ANKRD44: variants seen among roughly 807,000 people sequenced by gnomAD.
ANKRD44 encodes serine/threonine-protein phosphatase 6 regulatory ankyrin repeat subunit B.
In ANKRD44, 35 loss-of-function variants were observed where a neutral mutation model predicts 116.0. The ratio of observed to expected loss-of-function variants is 0.30; its 90% CI spans 0.23 to 0.40. ANKRD44 has a LOEUF of 0.40. Ranked by LOEUF, ANKRD44 falls within the 10% of genes least tolerant of loss-of-function variation. ANKRD44 has a pLI of 1.00. For missense variants in ANKRD44, 1,014 were observed against 1,242.6 expected, an observed-to-expected ratio of 0.82 and a Z score of 2.77; for synonymous variants, 435 against 461.8, an observed-to-expected ratio of 0.94 and a Z score of 0.74.
intron 26 of ANKRD44, chr2:196,995,141 A>C (rs1371962387): frequency 3.4e-6 from 1 of 293,728 alleles, no homozygotes; most frequent in Admixed American, 5.1e-5. Context: ...AGCAAAGAAA[A>C]AGAGAGACTT....
At chr2:197,131,856 C>T (rs530568300) in intron 4 of ANKRD44, among the ~76,000 whole-genome samples, 64 of 152,288 alleles carry the variant, frequency 4.2e-4, no homozygotes, top group African/African-American at 1.4e-3. Flanking sequence ...GTGCGTTAGA[C>T]TTTCTGGGTT....
chr2:197,104,350 A>T (rs760058277), intron 9 of ANKRD44, among the ~76,000 whole-genome samples: 5 of 152,118 alleles, frequency 3.3e-5, no homozygotes, highest in African/African-American at 4.8e-5. Context: ...CGAACTCCTG[A>T]CCTCAAGTGA....
chr2:197,098,830 G>T (rs1252049226), intron 10 of ANKRD44, among the ~76,000 whole-genome samples: 2 of 152,000 alleles, frequency 1.3e-5, no homozygotes. Flanking sequence ...TTCCAATTAG[G>T]CAAGGGGCTC....
chr2:197,182,634 C>T (rs530019258), intron 2 of ANKRD44, among the ~76,000 whole-genome samples: 2 of 152,260 alleles, frequency 1.3e-5, no homozygotes, highest in African/African-American at 4.8e-5. Flanking sequence ...ATATGTGGGA[C>T]ATTGGTTCCA....
intron 1 of ANKRD44, among the ~76,000 whole-genome samples, chr2:197,241,725 A>C (rs1044441814): frequency 6.6e-6 from 1 of 152,134 alleles, no homozygotes; most frequent in African/African-American, 2.4e-5. Flanking sequence ...ATTGTTCTTT[A>C]AGATTTATTA....
At chr2:197,096,804 T>A (rs1223189354) in intron 10 of ANKRD44, among the ~76,000 whole-genome samples, 1 of 152,180 alleles carries the variant, frequency 6.6e-6, no homozygotes, top group African/African-American at 2.4e-5. Context: ...GCAAATTTAA[T>A]CTTCTCCAAT....
chr2:197,139,848 TTGTG>T (rs71012957), intron 3 of ANKRD44, among the ~76,000 whole-genome samples: 30,918 of 131,064 alleles, frequency 0.24, 3,720 homozygotes, highest in African/African-American at 0.26. Flanking sequence ...TAAGCTGCTT[TTGTG>T]TGTGTGTGTG....
intron 2 of ANKRD44, among the ~76,000 whole-genome samples, chr2:197,156,901 C>G (rs1017057856): frequency 6.6e-6 from 1 of 152,026 alleles, no homozygotes; most frequent in Non-Finnish European, 1.5e-5. Flanking sequence ...CAAACTAATA[C>G]ACAGTGACAG....
chr2:197,212,627 A>G lies in ANKRD44; in HGVS notation c.28-25521T>C, dbSNP rs1190872182. On this transcript the variant is annotated intron_variant, in intron 1 of 27. Transcript: ENST00000282272. The surrounding 1 kb of genome is among the most constrained non-coding windows in gnomAD (Gnocchi z 4.8). ...ACCCTGCCTCTTCCACTCTCCTTTTATAGGGAGTATTAACCAAAAAGGTTA... is the reference window on the plus strand; with the variant it reads ...ACCCTGCCTCTTCCACTCTCCTTTTGTAGGGAGTATTAACCAAAAAGGTTA... 6.6e-6 allele frequency among the ~76,000 whole-genome samples: 1 copy of G among 152,156 alleles called. No individual in the cohort carries two copies. Among genetic ancestry groups the G allele is most frequent in the African/African-American group, 2.4e-5 (1 of 41,430 alleles).
chr2:197,096,775 A>AT (rs2078170741), intron 10 of ANKRD44, among the ~76,000 whole-genome samples: 1 of 152,022 alleles, frequency 6.6e-6, no homozygotes, highest in Non-Finnish European at 1.5e-5. Flanking sequence ...GATAACAGTG[A>AT]TTTTCTGAGA....
At chr2:197,217,140 T>C (rs1378672248) in intron 1 of ANKRD44, among the ~76,000 whole-genome samples, 2 of 152,220 alleles carry the variant, frequency 1.3e-5, no homozygotes, top group Non-Finnish European at 2.9e-5. Flanking sequence ...CTTTCCACTT[T>C]TTTTTCATGG....
At chr2:197,008,856 G>T in intron 19 of ANKRD44, 88 bp downstream of exon 19, 4 of 1,171,256 alleles carry the variant, frequency 3.4e-6, no homozygotes, top group Non-Finnish European at 5.1e-6. Flanking sequence ...TCTCGGTTCC[G>T]CAGTCAGCCT....
intron 1 of ANKRD44, among the ~76,000 whole-genome samples, chr2:197,305,763 G>A (rs186592996): frequency 6.6e-6 from 1 of 152,108 alleles, no homozygotes; most frequent in African/African-American, 2.4e-5. Context: ...ACAGATATCA[G>A]CTATGTGCAC....
intron 16 of ANKRD44, among the ~76,000 whole-genome samples, chr2:197,034,050 T>TAGAGAGAGAGACAG (rs2076759883): frequency 9.0e-6 from 1 of 110,578 alleles, no homozygotes; most frequent in Non-Finnish European, 1.8e-5. Context: ...ATATGAGGGC[T>TAGAGAGAGAGACAG]AGAGAGAGAG....
At position 196,988,731 on chromosome 2, in the gene ANKRD44, A is replaced by T; in HGVS notation, c.*860T>A. Reference sequence around the variant, plus strand: ...AGAGAGTACTGCTCTAATTCGACACATTTCTTTTCTGTCTCTTCCTCAAGT... The same window carrying T: ...AGAGAGTACTGCTCTAATTCGACACTTTTCTTTTCTGTCTCTTCCTCAAGT... On this transcript the variant is annotated 3_prime_UTR_variant, in exon 28 of 28. Coordinates refer to ENST00000282272, the MANE Select transcript of ANKRD44 (RefSeq NM_001195144.2). 2.0e-6 allele frequency: 2 copies of T among 985,376 alleles called. No homozygotes were observed. The highest frequency in any genetic ancestry group is 2.4e-6 in the Non-Finnish European group (2 of 829,922). 61.0% of individuals were successfully genotyped at this position (985,376 alleles called of 1,614,324 possible). A position where few individuals can be genotyped will look rare whatever the true frequency, so the allele number is the denominator to read the frequency against.
rs1420381045 is a variant in ANKRD44 at position 197,099,861 on chromosome 2, T to A, written c.1055A>T (p.Glu352Val). 1.9e-6 allele frequency: 3 copies of A among 1,614,056 alleles called. No homozygotes were observed. Among genetic ancestry groups the A allele is most frequent in the African/African-American group, 2.7e-5 (2 of 74,922 alleles). The change falls in exon 10 of 28, where the codon GAG becomes GTG. Residue 352 changes from glutamate (E) to valine (V), a missense_variant. Transcript: ENST00000282272. ...PLHVAARYGH[E>V]LLINTLITSG... Reference sequence around the variant, plus strand: ...GGTTATTAAGGTGTTAATCAAAAGCTCATGACCGTATCTTGCAGCCACATG... The same window carrying A: ...GGTTATTAAGGTGTTAATCAAAAGCACATGACCGTATCTTGCAGCCACATG...
In ANKRD44 at chr2:197,150,169, C is replaced by T. The variant is rs892717875; in HGVS notation, c.112-3064G>A. On this transcript the variant is annotated intron_variant, in intron 2 of 27. Transcript: ENST00000282272. Reference sequence around the variant, plus strand: ...AAAGATAAAGAATCTGAGCCTAGGACAGTTTGTATGACTTAACCCAACGCA... The same window carrying T: ...AAAGATAAAGAATCTGAGCCTAGGATAGTTTGTATGACTTAACCCAACGCA... 2.0e-5 allele frequency among the ~76,000 whole-genome samples: 3 copies of T among 152,274 alleles called. 1 individual carries two copies. Among genetic ancestry groups the T allele is most frequent in the Admixed American group, 1.3e-4 (2 of 15,288 alleles).
downstream of ANKRD44, among the ~76,000 whole-genome samples, chr2:196,982,988 G>A (rs1246396015): frequency 6.6e-6 from 1 of 152,076 alleles, no homozygotes; most frequent in African/African-American, 2.4e-5. Flanking sequence ...GGGAACACAT[G>A]GACACAGGGA....
chr2:197,047,150 A>T (rs750004394), intron 16 of ANKRD44, among the ~76,000 whole-genome samples: 1 of 151,914 alleles, frequency 6.6e-6, no homozygotes, highest in Non-Finnish European at 1.5e-5. Context: ...TACCAAGTAG[A>T]TGGGATTACA....
Sources: allele counts gnomAD v4.1 joint callset (sites outside exome capture counted in the v4.1 genomes callset), GRCh38; gene constraint gnomAD v4.1.1; non-coding constraint Gnocchi (gnomAD v3.1); transcripts MANE v1.5; gene names NCBI Gene and HGNC (gene_info 2026-07-23, HGNC 2026-07-21).